The following ZNF532 variants were observed in gnomAD, a reference collection of about 807,000 sequenced individuals.
ZNF532 encodes zinc finger protein 532.
In ZNF532, 22 loss-of-function variants were observed where a neutral mutation model predicts 89.3. The observed-to-expected ratio is 0.25, with a 90% CI of 0.18 to 0.35. ZNF532 has a LOEUF of 0.35. Ranked by LOEUF, ZNF532 falls within the 10% of genes least tolerant of loss-of-function variation. The probability of loss-of-function intolerance (pLI) is 1.00; values close to 1 mark genes in which losing one functional copy is unlikely to be tolerated. For synonymous variants in ZNF532, 606 were observed against 649.6 expected (o/e 0.93, Z 1.02); for missense variants, 1,132 against 1,643.4 (o/e 0.69, Z 5.38).
intron 2 of ZNF532, among the ~76,000 whole-genome samples, chr18:58,889,460 C>G (rs1298237443): frequency 1.3e-5 from 2 of 152,156 alleles, no homozygotes; most frequent in Non-Finnish European, 2.9e-5. Flanking sequence ...CTTGTACTTT[C>G]TACTTAAAAG....
chr18:58,928,611 A>G (rs1056338074), intron 3 of ZNF532, among the ~76,000 whole-genome samples: 1 of 152,182 alleles, frequency 6.6e-6, no homozygotes, highest in Non-Finnish European at 1.5e-5. Flanking sequence ...TACCCCTTGG[A>G]GGAGACAGTG....
At chr18:58,905,337 T>C (rs2059863722) in intron 2 of ZNF532, among the ~76,000 whole-genome samples, 1 of 152,130 alleles carries the variant, frequency 6.6e-6, no homozygotes, top group African/African-American at 2.4e-5. Flanking sequence ...GATTATAGTA[T>C]ACAACGTCTC....
In ZNF532 at chr18:58,948,114, C is replaced by T. The variant is rs750548081; in HGVS notation, c.2753C>T (p.Thr918Ile). 3 of 1,613,828 alleles carry T rather than the reference C, an allele frequency of 1.9e-6. No homozygotes were observed. In the South Asian group the frequency reaches 3.3e-5, roughly 18 times the overall value. ...TGCGACACTGTGTTCACCCTGCAAA[C>T]CTTGCTGTATCGCCACTTTGACCAA... ...SMCDTVFTLQTLLYRHFDQHI... is the reference protein window; with the variant it reads ...SMCDTVFTLQILLYRHFDQHI... Residue 918 changes from threonine to isoleucine, a missense_variant, in exon 6 of 10, where the codon ACC (threonine) becomes ATC (isoleucine). Physicochemically the swap from Thr to Ile is moderately conservative, Grantham distance 89 (BLOSUM62 -1). Coordinates refer to ENST00000591808, the MANE Select transcript of ZNF532 (RefSeq NM_001375912.1).
intron 7 of ZNF532, among the ~76,000 whole-genome samples, chr18:58,964,581 A>G (rs560943850): frequency 3.4e-4 from 45 of 133,236 alleles, no homozygotes; most frequent in South Asian, 9.3e-4. Context: ...GTGTGTGTGT[A>G]TACACAGTTT....
chr18:58,980,151 T>G (rs1398041353), intron 8 of ZNF532: 1 of 152,198 alleles, frequency 6.6e-6, no homozygotes, highest in Non-Finnish European at 1.5e-5. Flanking sequence ...GGCTGTCAGA[T>G]TCGCAGGGGG....
rs1568383488 is a variant in ZNF532, at chr18:58,942,354, CCTTCCTTCCTTCCTTCCTT to C, written c.2705+2735_2705+2753del. 1.9e-3 allele frequency among the ~76,000 whole-genome samples: 113 copies of C among 60,100 alleles called. 1 individual carries two copies. Among genetic ancestry groups the C allele is most frequent in the Non-Finnish European group, 2.6e-3 (90 of 34,030 alleles). 39.4% of individuals were successfully genotyped at this position (60,100 alleles called of 152,430 possible). A position where few individuals can be genotyped will look rare whatever the true frequency, so the allele number is the denominator to read the frequency against. ...CCCTCCCTCCCTCCCTCCCTCCCTT[CCTTCCTTCCTTCCTTCCTT>C]CCTTCCTTCCTTCCTTCCTTCCTTC... is the stretch of plus-strand genomic sequence containing the variant. On this transcript the variant is annotated intron_variant, in intron 5 of 9. Transcript: ENST00000591808.
intron 2 of ZNF532, among the ~76,000 whole-genome samples, chr18:58,881,077 G>A (rs896417971): frequency 1.3e-5 from 2 of 151,730 alleles, no homozygotes; most frequent in Admixed American, 1.3e-4. Context: ...AATCTGTTCT[G>A]CATCTGTTTT....
chr18:58,937,308 A>G (rs985273135), intron 4 of ZNF532, among the ~76,000 whole-genome samples: 5 of 152,036 alleles, frequency 3.3e-5, no homozygotes, highest in Admixed American at 2.6e-4. Flanking sequence ...TACATCCCCC[A>G]TTGGCCTCTG....
chr18:58,880,786 G>A (rs897698602), intron 2 of ZNF532, among the ~76,000 whole-genome samples: 3 of 151,866 alleles, frequency 2.0e-5, no homozygotes, highest in African/African-American at 7.2e-5. Context: ...GTGTGTGTGT[G>A]TGTATGTTTG....
intron 3 of ZNF532, among the ~76,000 whole-genome samples, chr18:58,930,334 C>G (rs2061846511): frequency 6.6e-6 from 1 of 152,088 alleles, no homozygotes; most frequent in Admixed American, 6.5e-5. Flanking sequence ...ATAGAAAAGG[C>G]TCAGTAAGAG....
At chr18:58,947,303 C>T (rs895510942) in intron 5 of ZNF532, among the ~76,000 whole-genome samples, 5 of 152,136 alleles carry the variant, frequency 3.3e-5, no homozygotes, top group African/African-American at 4.8e-5. Flanking sequence ...CAAGACATCT[C>T]GTGCCCTCGT....
In ZNF532 at chr18:58,878,591, A is replaced by T. The variant is rs540913083; in HGVS notation, c.-18+13012A>T. On this transcript the variant is annotated intron_variant, in intron 2 of 9. Transcript: ENST00000591808. ...GTGGAGCCAACTTCACCCAGCCTTC[A>T]CGTGGAGTGGTGACTAAGGGCCCCC... is the stretch of plus-strand genomic sequence containing the variant. 3.3e-5 allele frequency among the ~76,000 whole-genome samples: 5 copies of T among 152,354 alleles called. No individual in the cohort carries two copies. The South Asian group carries it at 8.3e-4, about 25-fold the overall frequency.
chr18:58,977,072 T>C (rs1239342325), intron 7 of ZNF532, among the ~76,000 whole-genome samples: 1 of 152,204 alleles, frequency 6.6e-6, no homozygotes, highest in Non-Finnish European at 1.5e-5. Flanking sequence ...CTTTGTTCTC[T>C]CTTTCGTTGT....
At position 58,948,163 on chromosome 18, in the gene ZNF532, T is replaced by C; in HGVS notation, c.2802T>C (p.Ser934=). The C allele has an allele frequency of 6.2e-7, 1 of 1,614,070 alleles. No individual in the cohort carries two copies. The highest frequency in any genetic ancestry group is 8.5e-7 in the Non-Finnish European group (1 of 1,179,924). Residue 934 remains serine, a synonymous_variant, in exon 6 of 10, where the codon TCT becomes TCC. Coordinates refer to ENST00000591808, the MANE Select transcript of ZNF532 (RefSeq NM_001375912.1). ...FDQHIENQKV[S]VFKCPDCSLL... Reference sequence around the variant, plus strand: ...AACACATTGAAAACCAGAAGGTGTCTGTTTTCAAGTGTCCAGACTGTTCTC... The same window carrying C: ...AACACATTGAAAACCAGAAGGTGTCCGTTTTCAAGTGTCCAGACTGTTCTC...
chr18:58,874,260 G>A (rs2057246106), intron 2 of ZNF532, among the ~76,000 whole-genome samples: 1 of 152,134 alleles, frequency 6.6e-6, no homozygotes, highest in South Asian at 2.1e-4. Context: ...AGACACAAGG[G>A]TAGTGTATTT....
intron 2 of ZNF532, among the ~76,000 whole-genome samples, chr18:58,885,855 A>G (rs1045028955): frequency 1.3e-5 from 2 of 152,148 alleles, no homozygotes; most frequent in African/African-American, 4.8e-5. Flanking sequence ...TCAAAAAAAA[A>G]AAAAAGTTGG....
chr18:58,888,876 T>TTATATATATATATTATATATA (rs2058659692), intron 2 of ZNF532, among the ~76,000 whole-genome samples: 2 of 42,332 alleles, frequency 4.7e-5, no homozygotes, highest in African/African-American at 1.1e-4. Flanking sequence ...ATAATATATA[T>TTATATATATATATTATATATA]TATATATATA....
chr18:58,912,828 T>C (rs1368814622), intron 2 of ZNF532, among the ~76,000 whole-genome samples: 1 of 152,172 alleles, frequency 6.6e-6, no homozygotes, highest in Non-Finnish European at 1.5e-5. Context: ...TCTGAGAATC[T>C]GCCATTTTTG....
intron 2 of ZNF532, among the ~76,000 whole-genome samples, chr18:58,888,841 T>TTATATATATAA (rs1568247792): frequency 2.6e-5 from 1 of 38,828 alleles, no homozygotes; most frequent in Non-Finnish European, 4.0e-5. Context: ...TATATATAAT[T>TTATATATATAA]TATATATATA....
Sources: gnomAD v4.1 joint callset for allele counts (sites outside exome capture counted in the v4.1 genomes callset) on GRCh38, gnomAD v4.1.1 for gene constraint, MANE v1.5 for transcripts, NCBI Gene and HGNC (gene_info 2026-07-23, HGNC 2026-07-21) for gene names.